The following MSANTD3 variants were observed in gnomAD, a reference collection of about 807,000 sequenced individuals.
MSANTD3 encodes the protein myb/SANT-like DNA-binding domain-containing protein 3.
In MSANTD3, 11 loss-of-function variants were observed where a neutral mutation model predicts 27.7. The observed-to-expected ratio is 0.40, with a 90% CI of 0.25 to 0.66. The LOEUF (loss-of-function observed/expected upper bound fraction) is 0.66. Among genes scored for constraint, MSANTD3 ranks in the 30% least tolerant of loss-of-function variants. MSANTD3 has a pLI of 0.41. For synonymous variants in MSANTD3, 131 were observed against 127.2 expected (o/e 1.03, Z -0.20); for missense variants, 250 against 336.5 (o/e 0.74, Z 2.01).
At chr9:100,445,058 A>G in intron 2 of MSANTD3, 1 of 663,178 alleles carries the variant, frequency 1.5e-6, no homozygotes, top group South Asian at 1.9e-5. Context: ...GTGCTTTGTC[A>G]TTTGGGAAGT....
chr9:100,448,951 CAGT>C lies in MSANTD3; in HGVS notation c.419-1603_419-1601del, dbSNP rs143370054. Reference sequence around the variant, plus strand: ...TACCTCTTGGAGTGGAATAATTAAACAGTAGCCATTTTCCTTTTATTAACAGGG... The same window carrying C: ...TACCTCTTGGAGTGGAATAATTAAACAGCCATTTTCCTTTTATTAACAGGG... On this transcript the variant is annotated intron_variant, in intron 2 of 2. Coordinates refer to ENST00000395067, the MANE Select transcript of MSANTD3 (RefSeq NM_080655.3). 2.3e-3 allele frequency: 2,232 copies of C among 985,188 alleles called. 32 individuals are homozygous for C. The African/African-American group carries it at 0.034, about 15-fold the overall frequency. The allele number at this position is 985,188 out of a possible 1,614,324, so 61.0% of individuals were successfully genotyped here.
intron 1 of MSANTD3, among the ~76,000 whole-genome samples, chr9:100,441,169 C>T (rs545455119): frequency 4.0e-5 from 6 of 150,630 alleles, no homozygotes; most frequent in Non-Finnish European, 5.9e-5. Flanking sequence ...CTCCTGACCT[C>T]GTGGTCCGCC....
At chr9:100,433,027 G>A (rs1836407433) in intron 1 of MSANTD3, among the ~76,000 whole-genome samples, 1 of 152,214 alleles carries the variant, frequency 6.6e-6, no homozygotes, top group African/African-American at 2.4e-5. Flanking sequence ...TGACAGAGTT[G>A]AGAGCAGTGC....
chr9:100,445,299 G>C, intron 2 of MSANTD3: 1 of 950,674 alleles, frequency 1.1e-6, no homozygotes, highest in East Asian at 2.4e-5. Context: ...CATAAGGAAT[G>C]TGTGTGTGTG....
intron 2 of MSANTD3, among the ~76,000 whole-genome samples, chr9:100,443,585 T>C (rs1450291913): frequency 8.5e-5 from 13 of 152,080 alleles, no homozygotes; most frequent in Admixed American, 2.0e-4. Flanking sequence ...TAACTTTAAG[T>C]TTAATATACT....
chr9:100,447,359 G>A (rs559735989), intron 2 of MSANTD3, among the ~76,000 whole-genome samples: 2 of 143,580 alleles, frequency 1.4e-5, no homozygotes, highest in South Asian at 4.7e-4. Context: ...GTCTTCTTAA[G>A]AGGCCTGGCT....
chr9:100,438,405 G>GA (rs1369357113), intron 1 of MSANTD3, among the ~76,000 whole-genome samples: 1 of 151,600 alleles, frequency 6.6e-6, no homozygotes, highest in Admixed American at 6.6e-5. Flanking sequence ...AACTAAAATA[G>GA]AAAAAAGAGA....
intron 1 of MSANTD3, among the ~76,000 whole-genome samples, chr9:100,433,095 A>G (rs1313337104): frequency 6.6e-6 from 1 of 152,158 alleles, no homozygotes; most frequent in Non-Finnish European, 1.5e-5. Flanking sequence ...CAAAAAGGGC[A>G]TCTTGATGGT....
At chr9:100,430,647 T>C (rs995755749) in intron 1 of MSANTD3, among the ~76,000 whole-genome samples, 4 of 152,224 alleles carry the variant, frequency 2.6e-5, no homozygotes, top group African/African-American at 7.2e-5. Flanking sequence ...GAGACCATTT[T>C]AGAGATTAGC....
At chr9:100,436,316 C>T (rs1836476477) in intron 1 of MSANTD3, among the ~76,000 whole-genome samples, 2 of 152,150 alleles carry the variant, frequency 1.3e-5, no homozygotes. Context: ...CCAGCTAATG[C>T]AGCCTTTAGT....
chr9:100,446,464 T>C (rs1301286224), intron 2 of MSANTD3, among the ~76,000 whole-genome samples: 1 of 152,206 alleles, frequency 6.6e-6, no homozygotes, highest in Non-Finnish European at 1.5e-5. Context: ...ATTTTAAATT[T>C]ATGTAGATTT....
rs1402674793 is a variant in MSANTD3 at position 100,442,800 on chromosome 9, C to A, written c.418+444C>A. On this transcript the variant is annotated intron_variant, in intron 2 of 2. Transcript: ENST00000395067. The stretch of plus-strand genomic sequence containing the variant: ...CTCCAGCCTGGGTGACGGAGTGAGA[C>A]CCTGTCTCAAAAAAAAAAAAAAAAA... 2.1e-5 allele frequency among the ~76,000 whole-genome samples: 3 copies of A among 142,492 alleles called. No individual in the cohort carries two copies. The South Asian group carries it at 7.2e-4, about 34-fold the overall frequency. 93.5% of individuals were successfully genotyped at this position (142,492 alleles called of 152,430 possible).
intron 1 of MSANTD3, among the ~76,000 whole-genome samples, chr9:100,435,491 A>G (rs926082258): frequency 3.4e-4 from 51 of 152,234 alleles, no homozygotes; most frequent in African/African-American, 1.1e-3. Flanking sequence ...ACTAGATGGT[A>G]TATTAGTCTT....
intron 2 of MSANTD3, among the ~76,000 whole-genome samples, chr9:100,449,819 A>G (rs1460211983): frequency 6.6e-6 from 1 of 152,112 alleles, no homozygotes; most frequent in Non-Finnish European, 1.5e-5. Context: ...AATCAAGAAG[A>G]CTTGAGAAGG....
intron 1 of MSANTD3, chr9:100,429,707 GT>G (rs144260548): frequency 0.15 from 22,427 of 148,238 alleles, 1,840 homozygotes; most frequent in Middle Eastern, 0.21. Context: ...TTTTGTTTTT[GT>G]TTTTTTTTTG....
intron 2 of MSANTD3, chr9:100,449,192 G>C (rs1836825907): frequency 2.0e-6 from 2 of 985,276 alleles, no homozygotes. Flanking sequence ...GGAGTTAGTG[G>C]TTTCCTTATT....
rs772534868 is a variant in MSANTD3 at position 100,450,936 on chromosome 9, A to G, written c.798A>G (p.Ser266=). 1.1e-5 allele frequency: 17 copies of G among 1,603,278 alleles called. No homozygotes were observed. The South Asian group carries it at 1.8e-4, about 17-fold the overall frequency. The change falls in exon 3 of 3, where the codon TCA becomes TCG. Residue 266 remains serine, a synonymous_variant. Coordinates refer to ENST00000395067, the MANE Select transcript of MSANTD3 (RefSeq NM_080655.3). ...TTACCAAGGAATGGCCTGTTTCCTC[A>G]TTTAACCGGCCCTTTCCCAATTCGC... is the stretch of plus-strand genomic sequence containing the variant. ...QTFTKEWPVS[S]FNRPFPNSP is the part of the protein sequence containing the mutation.
At chr9:100,443,229 G>A (rs532771504) in intron 2 of MSANTD3, among the ~76,000 whole-genome samples, 3 of 151,728 alleles carry the variant, frequency 2.0e-5, no homozygotes, top group South Asian at 2.1e-4. Flanking sequence ...GAGAAACCCC[G>A]TCTCTACTAA....
chr9:100,450,944 G>A lies in MSANTD3; in HGVS notation c.806G>A (p.Arg269Gln), dbSNP rs1273917759. 3.1e-6 allele frequency: 5 copies of A among 1,596,090 alleles called. No individual in the cohort carries two copies. The highest frequency in any genetic ancestry group is 2.2e-5 in the East Asian group (1 of 44,828). Residue 269 changes from arginine to glutamine, a missense_variant, in exon 3 of 3, where the codon CGG becomes CAG. Transcript: ENST00000395067. Reference protein sequence around the residue: ...TKEWPVSSFNRPFPNSP With the variant: ...TKEWPVSSFNQPFPNSP ...GAATGGCCTGTTTCCTCATTTAACC[G>A]GCCCTTTCCCAATTCGCCCTAAGAC...
Sources: allele counts gnomAD v4.1 joint callset (sites outside exome capture counted in the v4.1 genomes callset), GRCh38; gene constraint gnomAD v4.1.1; transcripts MANE v1.5; gene names NCBI Gene and HGNC (gene_info 2026-07-23, HGNC 2026-07-21).